Variants in NTRK3 observed in about 807,000 individuals in gnomAD.
NTRK3 encodes neurotrophic receptor tyrosine kinase 3, also known as NT-3 growth factor receptor.
NTRK3 carries 24 observed loss-of-function variants against 91.7 expected under a neutral mutation model. The observed-to-expected ratio is 0.26, with a 90% CI of 0.19 to 0.37. NTRK3 has a LOEUF of 0.37. NTRK3 is among the 10% of genes least tolerant of loss of function. The probability of loss-of-function intolerance (pLI) is 1.00; values close to 1 mark genes in which losing one functional copy is unlikely to be tolerated. For missense variants in NTRK3, 880 were observed against 1,068.9 expected, an observed-to-expected ratio of 0.82 and a Z score of 2.46; for synonymous variants, 483 against 404.0, an observed-to-expected ratio of 1.20 and a Z score of -2.34.
chr15:87,934,592 G>A (rs2069103775), intron 15 of NTRK3, among the ~76,000 whole-genome samples: 1 of 152,100 alleles, frequency 6.6e-6, no homozygotes, highest in Admixed American at 6.5e-5. Flanking sequence ...GTGTATCTGG[G>A]GGGGTCCATC....
chr15:88,180,327 G>T (rs993613723), intron 5 of NTRK3, among the ~76,000 whole-genome samples: 1 of 152,166 alleles, frequency 6.6e-6, no homozygotes. Flanking sequence ...TCAAAAAAGG[G>T]TTTCCCTTGA....
chr15:88,084,073 C>CAT (rs1470973318), intron 13 of NTRK3, among the ~76,000 whole-genome samples: 1 of 148,796 alleles, frequency 6.7e-6, no homozygotes, highest in African/African-American at 2.5e-5. Flanking sequence ...AGAGCCATTT[C>CAT]ATGTCCAAGT....
At chr15:87,908,692 G>T (rs776827711) in intron 17 of NTRK3, 1 of 395,716 alleles carries the variant, frequency 2.5e-6, no homozygotes, top group Non-Finnish European at 4.5e-6. Flanking sequence ...ACTGAATGGC[G>T]TGTCTCTCCT....
intron 14 of NTRK3, among the ~76,000 whole-genome samples, chr15:87,945,628 G>A (rs566243646): frequency 1.2e-4 from 19 of 152,190 alleles, no homozygotes; most frequent in African/African-American, 3.9e-4. Flanking sequence ...ACACAGAGCC[G>A]CTGGATACAC....
chr15:87,893,599 G>A (rs147780095), intron 17 of NTRK3, among the ~76,000 whole-genome samples: 42 of 152,268 alleles, frequency 2.8e-4, no homozygotes, highest in East Asian at 1.5e-3. Flanking sequence ...GGAACCCACC[G>A]CTTTGGGTTA....
intron 13 of NTRK3, among the ~76,000 whole-genome samples, chr15:88,077,362 C>T (rs1366283771): frequency 1.3e-5 from 2 of 152,076 alleles, no homozygotes; most frequent in African/African-American, 4.8e-5. Context: ...GCCTGGAATG[C>T]CATTTCTTCT....
chr15:87,905,804 T>C (rs777593903), intron 17 of NTRK3, among the ~76,000 whole-genome samples: 13 of 152,158 alleles, frequency 8.5e-5, no homozygotes, highest in Non-Finnish European at 1.8e-4. Context: ...ACTGACTCAC[T>C]GAAGTTAAGC....
At chr15:88,007,609 T>C (rs1414250198) in intron 14 of NTRK3, among the ~76,000 whole-genome samples, 2 of 152,176 alleles carry the variant, frequency 1.3e-5, no homozygotes, top group African/African-American at 4.8e-5. Flanking sequence ...CTTGGACTTG[T>C]TGAGAAACAA....
At chr15:88,229,866 T>C (rs1015705138) in intron 3 of NTRK3, among the ~76,000 whole-genome samples, 1 of 152,262 alleles carries the variant, frequency 6.6e-6, no homozygotes, top group East Asian at 1.9e-4. Flanking sequence ...AATTTCTCAC[T>C]GGACTGACAT....
At chr15:88,029,540 G>C (rs1161708624) in intron 14 of NTRK3, among the ~76,000 whole-genome samples, 1 of 152,114 alleles carries the variant, frequency 6.6e-6, no homozygotes, top group Non-Finnish European at 1.5e-5. Context: ...GGAAATAAGG[G>C]GTGAAGTCAG....
At chr15:87,866,239 T>A (rs2064672896) in exon 19 of NTRK3, 1 of 213,270 alleles carries the variant, frequency 4.7e-6, no homozygotes, top group Non-Finnish European at 9.5e-6. Flanking sequence ...TTATCCTCCC[T>A]CTACCACACT....
chr15:87,929,272 G>A lies in NTRK3; in HGVS notation c.2052C>T (p.Asn684=), dbSNP rs1197304915. ...CTAGCAGATTCGCTCCAACCAGGCAGTTCCTGGTGGCCAGGTCTCGGTGCA... is the reference window on the plus strand; with the variant it reads ...CTAGCAGATTCGCTCCAACCAGGCAATTCCTGGTGGCCAGGTCTCGGTGCA... The change falls in exon 17 of 19, where the codon AAC becomes AAT. Residue 684 remains asparagine, a synonymous_variant. Transcript: ENST00000394480. The A allele has an allele frequency of 1.9e-6, 3 of 1,614,132 alleles. No homozygotes were observed. The South Asian group carries it at 3.3e-5, about 18-fold the overall frequency.
chr15:88,134,413 A>G (rs557510872), intron 10 of NTRK3, among the ~76,000 whole-genome samples: 1 of 152,306 alleles, frequency 6.6e-6, no homozygotes, highest in East Asian at 1.9e-4. Flanking sequence ...AATTTCAATA[A>G]TTTTTCCTGG....
intron 10 of NTRK3, among the ~76,000 whole-genome samples, chr15:88,132,751 G>A (rs186873759): frequency 1.8e-3 from 281 of 152,260 alleles, no homozygotes; most frequent in Non-Finnish European, 3.1e-3. Context: ...TCTCTTGAGC[G>A]TTTAAGCATC....
chr15:88,099,974 G>A (rs1268110752), intron 13 of NTRK3, among the ~76,000 whole-genome samples: 5 of 152,008 alleles, frequency 3.3e-5, no homozygotes, highest in South Asian at 2.1e-4. Context: ...AGGACTCTAC[G>A]GTTAAAAGTT....
At chr15:88,053,540 C>G (rs1336272075) in intron 13 of NTRK3, among the ~76,000 whole-genome samples, 1 of 152,176 alleles carries the variant, frequency 6.6e-6, no homozygotes, top group Non-Finnish European at 1.5e-5. Flanking sequence ...TACAGTGAGG[C>G]CATAGGTACG....
At chr15:88,076,199 G>C (rs2047528215) in intron 13 of NTRK3, among the ~76,000 whole-genome samples, 1 of 152,178 alleles carries the variant, frequency 6.6e-6, no homozygotes, top group African/African-American at 2.4e-5. Context: ...TGTTTTACAT[G>C]GTGGCAGGTA....
intron 14 of NTRK3, among the ~76,000 whole-genome samples, chr15:87,948,050 G>A (rs1328737722): frequency 1.3e-5 from 2 of 152,128 alleles, no homozygotes; most frequent in African/African-American, 2.4e-5. Context: ...TCCTGGCTGG[G>A]TCTCACCTCA....
chr15:87,932,913 A>C, intron 16 of NTRK3, 99 bp downstream of exon 16: 1 of 1,172,702 alleles, frequency 8.5e-7, no homozygotes, highest in Non-Finnish European at 1.3e-6. Context: ...CCTGAGAGGA[A>C]AGTGTTTAGA....
Sources: allele counts gnomAD v4.1 joint callset (sites outside exome capture counted in the v4.1 genomes callset), GRCh38; gene constraint gnomAD v4.1.1; transcripts MANE v1.5; gene names NCBI Gene and HGNC (gene_info 2026-07-23, HGNC 2026-07-21).